The following IKBKE variants were observed in gnomAD, a reference collection of about 807,000 sequenced individuals.
IKBKE encodes the protein inhibitor of nuclear factor kappa-B kinase subunit epsilon.
Under a neutral mutation model 92.1 loss-of-function variants are expected in IKBKE, and 45 were observed. The ratio of observed to expected loss-of-function variants is 0.49; its 90% CI spans 0.38 to 0.63. IKBKE has a LOEUF of 0.63. IKBKE is among the 20% of genes least tolerant of loss of function. IKBKE has a pLI of 0.00. For missense variants in IKBKE, 700 were observed against 932.8 expected, an observed-to-expected ratio of 0.75 and a Z score of 3.25; for synonymous variants, 374 against 380.3, an observed-to-expected ratio of 0.98 and a Z score of 0.19.
chr1:206,490,545 C>T lies in IKBKE; in HGVS notation c.1694-274C>T, dbSNP rs1553390039. On this transcript the variant is annotated intron_variant, in intron 16 of 21. Transcript: ENST00000581977. The surrounding 1 kb of genome is among the most constrained non-coding windows in gnomAD (Gnocchi z 5.2). ...CCACCAACTCCCACCTGAAGCATCCCCCACGTCCCCACCCCGGCCCTGCAC... is the reference window on the plus strand; with the variant it reads ...CCACCAACTCCCACCTGAAGCATCCTCCACGTCCCCACCCCGGCCCTGCAC... 6.6e-6 allele frequency among the ~76,000 whole-genome samples: 1 copy of T among 152,186 alleles called. No individual in the cohort carries two copies. Among genetic ancestry groups the T allele is most frequent in the African/African-American group, 2.4e-5 (1 of 41,436 alleles).
At chr1:206,491,235 G>GA (rs1342513714) in intron 17 of IKBKE, 3 of 376,898 alleles carry the variant, frequency 8.0e-6, no homozygotes, top group African/African-American at 6.2e-5. Flanking sequence ...TCACGTCCAG[G>GA]AGGCCCTCCC....
At chr1:206,491,340 T>C (rs1189442307) in intron 17 of IKBKE, 1 of 386,580 alleles carries the variant, frequency 2.6e-6, no homozygotes, top group Non-Finnish European at 4.9e-6. Flanking sequence ...ACACCTTCTT[T>C]CCACGGCTGC....
intron 13 of IKBKE, among the ~76,000 whole-genome samples, chr1:206,483,037 C>T (rs782146488): frequency 1.3e-5 from 2 of 152,252 alleles, no homozygotes; most frequent in Non-Finnish European, 2.9e-5. Flanking sequence ...CCCAAAGCTC[C>T]CTGGCCCTCC....
Position 206,480,465 on chromosome 1 carries a change from A to G in IKBKE, c.1359A>G (p.Thr453=). ...TGGACAGGGAGGTGCTCCAGGCCAC[A>G]TGCAGACGGACTCTGGAAGTGGCAA... ...LHWVMEVLQA[T]CRRTLEVART... is the part of the protein sequence containing the mutation. The change falls in exon 13 of 22, where the codon ACA becomes ACG. Residue 453 remains threonine (T), a synonymous_variant. Transcript: ENST00000581977. The G allele has an allele frequency of 6.2e-7, 1 of 1,613,818 alleles. No homozygotes were observed. Among genetic ancestry groups the G allele is most frequent in the South Asian group, 1.1e-5 (1 of 91,058 alleles).
chr1:206,488,272 C>A (rs1313645037), intron 16 of IKBKE, among the ~76,000 whole-genome samples: 9 of 152,210 alleles, frequency 5.9e-5, no homozygotes, highest in African/African-American at 1.7e-4. Context: ...GTTGGGGGAT[C>A]CAGTGGGCCG....
chr1:206,480,413 C>G, intron 12 of IKBKE, 34 bp from the exon 13 acceptor site: 1 of 1,563,198 alleles, frequency 6.4e-7, no homozygotes, highest in Non-Finnish European at 8.8e-7. Context: ...GTCCCCCGAT[C>G]AAGGCAGCTC....
In IKBKE at chr1:206,494,592, C is replaced by CTTTTTTTTTTTT. The variant is rs58971788; in HGVS notation, c.2117+619_2117+630dup. Among the ~76,000 whole-genome samples, 12 of 63,906 alleles carry CTTTTTTTTTTTT rather than the reference C, an allele frequency of 1.9e-4. 1 individual carries two copies. Among genetic ancestry groups the CTTTTTTTTTTTT allele is most frequent in the African/African-American group, 5.2e-4 (9 of 17,410 alleles). 41.9% of individuals were successfully genotyped at this position (63,906 alleles called of 152,430 possible). A position where few individuals can be genotyped will look rare whatever the true frequency, so the allele number is the denominator to read the frequency against. On this transcript the variant is annotated intron_variant, in intron 21 of 21. Transcript: ENST00000581977. ...TTTTGCATACCAGTAAAAGTTCTTT[C>CTTTTTTTTTTTT]TTTTTTTTTTTTTTTTTTTTTTTTT...
In IKBKE at chr1:206,478,873, G is replaced by C. The variant is rs994158898; in HGVS notation, c.993-70G>C. On this transcript the variant is annotated intron_variant, in intron 9 of 21. Coordinates refer to ENST00000581977, the MANE Select transcript of IKBKE (RefSeq NM_014002.4). This position sits in a 1 kb window ranked among gnomAD's most constrained non-coding sequence, Gnocchi z 4.8. The stretch of plus-strand genomic sequence containing the variant: ...ATGGGCAACGCTTAGCTGGGGCTTA[G>C]GTCACCCTAGCCCCCTGCCTTGCCT... 1.7e-6 allele frequency: 2 copies of C among 1,207,180 alleles called. No homozygotes were observed. The highest frequency in any genetic ancestry group is 3.0e-5 in the African/African-American group (2 of 67,158). 74.8% of individuals were successfully genotyped at this position (1,207,180 alleles called of 1,614,324 possible).
intron 18 of IKBKE, chr1:206,492,675 C>G: frequency 2.0e-6 from 1 of 510,092 alleles, no homozygotes; most frequent in Non-Finnish European, 4.0e-6. Flanking sequence ...GGGCAGTTCC[C>G]CACACTGAGA....
intron 21 of IKBKE, among the ~76,000 whole-genome samples, chr1:206,494,219 T>C (rs1553391542): frequency 1.3e-5 from 2 of 152,138 alleles, no homozygotes; most frequent in African/African-American, 2.4e-5. Context: ...GTCAGGGAGA[T>C]GGGGGCCTGG....
Position 206,479,112 on chromosome 1 carries a change from A to C in IKBKE, c.1162A>C (p.Lys388Gln). ...PLTLFSTAIP[K>Q]GLAFRDPALD... ...GACCCTCTTCAGCACAGCCATCCCTAAGGGGCTGGCCTTCAGGGACCGTGA... is the reference window on the plus strand; with the variant it reads ...GACCCTCTTCAGCACAGCCATCCCTCAGGGGCTGGCCTTCAGGGACCGTGA... The change falls in exon 10 of 22, where the codon AAG becomes CAG. Residue 388 changes from lysine (K) to glutamine (Q), a missense_variant. Lys to Gln is a moderately conservative substitution (Grantham distance 53). Coordinates refer to ENST00000581977, the MANE Select transcript of IKBKE (RefSeq NM_014002.4). 1 of 1,608,330 alleles carries C rather than the reference A, an allele frequency of 6.2e-7. No individual in the cohort carries two copies. Among genetic ancestry groups the C allele is most frequent in the Middle Eastern group, 1.7e-4 (1 of 6,036 alleles).
chr1:206,472,840 A>G (rs1664853934), intron 2 of IKBKE: 1 of 267,758 alleles, frequency 3.7e-6, no homozygotes, highest in Admixed American at 6.0e-5. Context: ...GGATGCCAAA[A>G]CCCCAGAATC....
rs1360180061 is a variant in IKBKE, at chr1:206,494,763, G to A, written c.2117+772G>A. 1.7e-4 allele frequency among the ~76,000 whole-genome samples: 26 copies of A among 151,094 alleles called. No homozygotes were observed. In the East Asian group the frequency reaches 3.3e-3, roughly 19 times the overall value. On this transcript the variant is annotated intron_variant, in intron 21 of 21. Transcript: ENST00000581977. Reference sequence around the variant, plus strand: ...GGATTACAGGTGTCCACCACCACACGCAGTTAATTTTTATATTTTTAGTAG... The same window carrying A: ...GGATTACAGGTGTCCACCACCACACACAGTTAATTTTTATATTTTTAGTAG...
At chr1:206,472,444 C>G (rs1335994438) in intron 2 of IKBKE, among the ~76,000 whole-genome samples, 1 of 152,026 alleles carries the variant, frequency 6.6e-6, no homozygotes, top group Admixed American at 6.6e-5. Context: ...AAGATGAGGA[C>G]AAAGATGGGA....
chr1:206,490,986 G>T lies in IKBKE; in HGVS notation c.1733+128G>T. On this transcript the variant is annotated intron_variant, in intron 17 of 21. Coordinates refer to ENST00000581977, the MANE Select transcript of IKBKE (RefSeq NM_014002.4). The surrounding 1 kb of genome is among the most constrained non-coding windows in gnomAD (Gnocchi z 5.2). ...CGGACTGCAGCTGAGCAGAGTTGGG[G>T]ATAACAGGTTATCTGGGGCCAGGGG... is the stretch of plus-strand genomic sequence containing the variant. The T allele has an allele frequency of 1.2e-6, 1 of 856,726 alleles. No individual in the cohort carries two copies. Among genetic ancestry groups the T allele is most frequent in the Non-Finnish European group, 2.0e-6 (1 of 511,556 alleles). The allele number at this position is 856,726 out of a possible 1,614,324, so 53.1% of individuals were successfully genotyped here.
rs1665745481 is a variant in IKBKE at position 206,487,842 on chromosome 1, C to G, written c.1617-72C>G. Reference sequence around the variant, plus strand: ...GCTCCTCCCCTATTCCACTGCCACCCTTCCCCTCCCTCCCTCTTTCCTCTG... The same window carrying G: ...GCTCCTCCCCTATTCCACTGCCACCGTTCCCCTCCCTCCCTCTTTCCTCTG... On this transcript the variant is annotated intron_variant, in intron 15 of 21. Coordinates refer to ENST00000581977, the MANE Select transcript of IKBKE (RefSeq NM_014002.4). The surrounding 1 kb of genome is among the most constrained non-coding windows in gnomAD (Gnocchi z 5.3). The G allele has an allele frequency of 1.6e-6, 2 of 1,266,426 alleles. No individual in the cohort carries two copies. Among genetic ancestry groups the G allele is most frequent in the East Asian group, 4.8e-5 (2 of 42,038 alleles). 78.4% of individuals were successfully genotyped at this position (1,266,426 alleles called of 1,614,324 possible).
At chr1:206,492,067 A>G (rs527868442) in intron 18 of IKBKE, 64 of 328,710 alleles carry the variant, frequency 1.9e-4, no homozygotes, top group Non-Finnish European at 3.2e-4. Flanking sequence ...CAAGACTCGT[A>G]TGTGGCTCTG....
chr1:206,495,825 A>G (rs1666204791), intron 21 of IKBKE, among the ~76,000 whole-genome samples: 1 of 152,226 alleles, frequency 6.6e-6, no homozygotes, highest in Admixed American at 6.5e-5. Flanking sequence ...TTGGCTACAC[A>G]CTGGAATCAC....
rs1488301885 is a variant in IKBKE at position 206,487,170 on chromosome 1, G to A, written c.1617-744G>A. Among the ~76,000 whole-genome samples the A allele has an allele frequency of 2.6e-5, 4 of 152,254 alleles. No individual in the cohort carries two copies. Among genetic ancestry groups the A allele is most frequent in the Non-Finnish European group, 5.9e-5 (4 of 68,048 alleles). On this transcript the variant is annotated intron_variant, in intron 15 of 21. Coordinates refer to ENST00000581977, the MANE Select transcript of IKBKE (RefSeq NM_014002.4). The surrounding 1 kb of genome is among the most constrained non-coding windows in gnomAD (Gnocchi z 5.3). Reference sequence around the variant, plus strand: ...GAAATAGCAGAGATGGGGTCACTTGGAGGTGCTGCAGGGAGGAAGTGGAGC... The same window carrying A: ...GAAATAGCAGAGATGGGGTCACTTGAAGGTGCTGCAGGGAGGAAGTGGAGC...
Sources: allele counts gnomAD v4.1 joint callset (sites outside exome capture counted in the v4.1 genomes callset), GRCh38; gene constraint gnomAD v4.1.1; non-coding constraint Gnocchi (gnomAD v3.1); transcripts MANE v1.5; gene names NCBI Gene and HGNC (gene_info 2026-07-23, HGNC 2026-07-21).